The following MAML3 variants were observed in gnomAD, a reference collection of about 807,000 sequenced individuals.
MAML3 encodes mastermind like transcriptional coactivator 3, also known as mastermind-like protein 3.
In MAML3, 27 loss-of-function variants were observed where a neutral mutation model predicts 101.9. The observed-to-expected ratio is 0.27, with a 90% CI of 0.20 to 0.37. The LOEUF (loss-of-function observed/expected upper bound fraction) is 0.37. Ranked by LOEUF, MAML3 falls within the 10% of genes least tolerant of loss-of-function variation. The pLI, the probability that MAML3 is intolerant of heterozygous loss-of-function variation, is 1.00. For missense variants in MAML3, 1,316 were observed against 1,444.9 expected, an observed-to-expected ratio of 0.91 and a Z score of 1.45; for synonymous variants, 501 against 555.9, an observed-to-expected ratio of 0.90 and a Z score of 1.39.
chr4:140,124,231 G>A (rs376475012), intron 1 of MAML3, among the ~76,000 whole-genome samples: 46 of 152,166 alleles, frequency 3.0e-4, no homozygotes, highest in African/African-American at 1.0e-3. Context: ...ACCACACTAC[G>A]CACACTGTCG....
chr4:139,775,729 G>A (rs999092768), intron 2 of MAML3, among the ~76,000 whole-genome samples: 32 of 152,028 alleles, frequency 2.1e-4, no homozygotes, highest in Admixed American at 1.7e-3. Context: ...CTATCTTTCC[G>A]GTATATCACG....
At chr4:140,024,888 G>T (rs1726795087) in intron 1 of MAML3, among the ~76,000 whole-genome samples, 1 of 152,080 alleles carries the variant, frequency 6.6e-6, no homozygotes, top group Non-Finnish European at 1.5e-5. Context: ...CTTCCCAAAT[G>T]CTTAATAACA....
At chr4:139,801,560 G>A (rs1511455) in intron 2 of MAML3, among the ~76,000 whole-genome samples, 47,876 of 151,852 alleles carry the variant, frequency 0.32, 7,665 homozygotes, top group Admixed American at 0.39. Context: ...TAGTGAAGAT[G>A]GCAAAACTGA....
intron 2 of MAML3, among the ~76,000 whole-genome samples, chr4:139,828,920 C>T (rs936946677): frequency 6.0e-5 from 9 of 150,330 alleles, no homozygotes; most frequent in African/African-American, 2.2e-4. Context: ...TTGTGGTGAG[C>T]CAAGATTGTG....
chr4:140,008,201 G>T (rs1026605538), intron 1 of MAML3, among the ~76,000 whole-genome samples: 2 of 152,146 alleles, frequency 1.3e-5, no homozygotes, highest in Admixed American at 6.5e-5. Flanking sequence ...AAAAAAATTA[G>T]CTGGGCGTGG....
intron 2 of MAML3, among the ~76,000 whole-genome samples, chr4:139,761,769 G>A (rs1400470157): frequency 6.6e-6 from 1 of 152,076 alleles, no homozygotes; most frequent in African/African-American, 2.4e-5. Flanking sequence ...TTAGCACGGG[G>A]GACTCTGGAA....
chr4:139,924,853 C>A (rs907731681), intron 1 of MAML3, among the ~76,000 whole-genome samples: 2 of 152,168 alleles, frequency 1.3e-5, no homozygotes, highest in African/African-American at 4.8e-5. Flanking sequence ...TCATTTAGCT[C>A]ATTACTTCCT....
chr4:140,121,347 C>A (rs557638935), intron 1 of MAML3, among the ~76,000 whole-genome samples: 126 of 152,226 alleles, frequency 8.3e-4, no homozygotes, highest in African/African-American at 3.0e-3. Context: ...GAAGACTATC[C>A]CAGCAACTTT....
chr4:139,982,897 AC>A (rs888674954), intron 1 of MAML3, among the ~76,000 whole-genome samples: 11 of 152,098 alleles, frequency 7.2e-5, no homozygotes, highest in African/African-American at 2.7e-4. Context: ...GTTTATCTGC[AC>A]CCCCCTTAGG....
chr4:140,096,036 G>A (rs770379450), intron 1 of MAML3, among the ~76,000 whole-genome samples: 7 of 152,324 alleles, frequency 4.6e-5, no homozygotes, highest in Admixed American at 6.5e-5. Flanking sequence ...TTGGGATATT[G>A]CATTTGTACT....
At chr4:139,901,412 T>C (rs1315851597) in intron 1 of MAML3, among the ~76,000 whole-genome samples, 1 of 152,212 alleles carries the variant, frequency 6.6e-6, no homozygotes, top group Non-Finnish European at 1.5e-5. Flanking sequence ...CACACACATA[T>C]AACATTACAT....
At chr4:140,137,295 G>C (rs1470090430) in intron 1 of MAML3, among the ~76,000 whole-genome samples, 1 of 152,218 alleles carries the variant, frequency 6.6e-6, no homozygotes, top group Admixed American at 6.5e-5. Flanking sequence ...GCCTAAAGAA[G>C]ATTTTTTAAA....
intron 1 of MAML3, among the ~76,000 whole-genome samples, chr4:140,148,973 AACTAAG>A (rs1468881719): frequency 2.0e-5 from 3 of 152,384 alleles, no homozygotes; most frequent in South Asian, 2.1e-4. Context: ...TATCTAAGTC[AACTAAG>A]ACTATCACCA....
intron 1 of MAML3, among the ~76,000 whole-genome samples, chr4:140,088,490 G>A (rs577297228): frequency 6.6e-6 from 1 of 152,042 alleles, no homozygotes; most frequent in African/African-American, 2.4e-5. Flanking sequence ...ACTGCTCCAC[G>A]GTTTGGGCCT....
At chr4:140,113,951 C>T (rs1728478372) in intron 1 of MAML3, among the ~76,000 whole-genome samples, 1 of 152,176 alleles carries the variant, frequency 6.6e-6, no homozygotes, top group East Asian at 1.9e-4. Context: ...TTTACCCCAT[C>T]CTGGGCTTCA....
At position 139,836,577 on chromosome 4, in the gene MAML3, A is replaced by G. The variant is rs538278613; in HGVS notation, c.2079+52780T>C. Among the ~76,000 whole-genome samples the G allele has an allele frequency of 2.4e-4, 36 of 152,330 alleles. No individual in the cohort carries two copies. The South Asian group carries it at 7.5e-3, about 32-fold the overall frequency. On this transcript the variant is annotated intron_variant, in intron 2 of 4. Transcript: ENST00000509479. ...TCAAATTACCAATTAAAAATGGCAT[A>G]CCACAGTTCCAGCAAGCCAGCCCCA...
At chr4:139,861,935 T>G (rs1578635432) in intron 2 of MAML3, among the ~76,000 whole-genome samples, 1 of 152,148 alleles carries the variant, frequency 6.6e-6, no homozygotes, top group East Asian at 1.9e-4. Flanking sequence ...GCCGGCTGGG[T>G]GCAGTGGCTC....
chr4:139,974,551 G>A (rs1307265421), intron 1 of MAML3, among the ~76,000 whole-genome samples: 1 of 152,130 alleles, frequency 6.6e-6, no homozygotes, highest in Non-Finnish European at 1.5e-5. Context: ...TAAACAGCTA[G>A]TTGAGCGAAT....
intron 1 of MAML3, among the ~76,000 whole-genome samples, chr4:139,951,971 C>A (rs1488563518): frequency 4.6e-5 from 7 of 152,104 alleles, no homozygotes; most frequent in Non-Finnish European, 1.0e-4. Context: ...TGAGACCAGC[C>A]TGGCCGCCAT....
Sources: gnomAD v4.1 joint callset for allele counts (sites outside exome capture counted in the v4.1 genomes callset) on GRCh38, gnomAD v4.1.1 for gene constraint, MANE v1.5 for transcripts, NCBI Gene and HGNC (gene_info 2026-07-23, HGNC 2026-07-21) for gene names.